The following SGCZ variants were observed in gnomAD, a reference collection of about 807,000 sequenced individuals.
The protein encoded by SGCZ is sarcoglycan zeta.
SGCZ carries 40 observed loss-of-function variants against 41.3 expected under a neutral mutation model. The ratio of observed to expected loss-of-function variants is 0.97; its 90% CI spans 0.75 to 1.26. The LOEUF is 1.26. SGCZ is among the 50% of genes most tolerant of loss of function. SGCZ has a pLI of 0.00. For missense variants in SGCZ, 552 were observed against 369.8 expected (o/e 1.49, Z -4.04); for synonymous variants, 206 against 137.5 (o/e 1.50, Z -3.49).
At chr8:15,127,257 AACAAACACACACACACACACAC>A (rs1563140077) in intron 1 of SGCZ, among the ~76,000 whole-genome samples, 1 of 29,580 alleles carries the variant, frequency 3.4e-5, no homozygotes, top group African/African-American at 4.5e-5. Flanking sequence ...CACACACACA[AACAAACACACACACACACACAC>A]ACACACACAT....
intron 1 of SGCZ, among the ~76,000 whole-genome samples, chr8:14,610,653 G>A (rs1273577423): frequency 6.6e-6 from 1 of 151,964 alleles, no homozygotes; most frequent in Non-Finnish European, 1.5e-5. Context: ...TCCCCTACAG[G>A]GTGCATAGAA....
intron 1 of SGCZ, among the ~76,000 whole-genome samples, chr8:14,690,948 T>A (rs186383341): frequency 3.5e-4 from 53 of 152,298 alleles, no homozygotes; most frequent in African/African-American, 1.3e-3. Context: ...GTATTTCAGA[T>A]TATAAAGTCA....
intron 1 of SGCZ, among the ~76,000 whole-genome samples, chr8:14,973,743 A>G (rs1002887550): frequency 6.6e-6 from 1 of 152,150 alleles, no homozygotes; most frequent in African/African-American, 2.4e-5. Flanking sequence ...GATAAAGGGT[A>G]TTTTTATCTG....
intron 4 of SGCZ, 149 bp downstream of exon 4, chr8:14,237,443 A>G (rs1279045682): frequency 3.0e-6 from 2 of 667,274 alleles, no homozygotes; most frequent in Non-Finnish European, 5.1e-6. Context: ...CAGCCTCCCA[A>G]AGTGCACTCC....
intron 1 of SGCZ, among the ~76,000 whole-genome samples, chr8:15,155,162 G>T (rs1285665901): frequency 6.6e-6 from 1 of 152,066 alleles, no homozygotes; most frequent in Non-Finnish European, 1.5e-5. Context: ...GAGTGTGGTG[G>T]TGCACGCCTA....
At chr8:14,127,490 G>A (rs1029336949) in intron 5 of SGCZ, among the ~76,000 whole-genome samples, 3 of 151,844 alleles carry the variant, frequency 2.0e-5, no homozygotes, top group Admixed American at 2.0e-4. Context: ...GAGTCTCACT[G>A]TGTCACCCAG....
At chr8:14,468,382 T>A (rs965984636) in intron 2 of SGCZ, among the ~76,000 whole-genome samples, 1 of 152,120 alleles carries the variant, frequency 6.6e-6, no homozygotes, top group Non-Finnish European at 1.5e-5. Context: ...AATATCAATT[T>A]ATTTTAAATA....
chr8:14,412,171 T>G (rs1799378139), intron 2 of SGCZ, among the ~76,000 whole-genome samples: 1 of 152,092 alleles, frequency 6.6e-6, no homozygotes, highest in Non-Finnish European at 1.5e-5. Context: ...TAAAGATAAC[T>G]ATGGGCTTTA....
At chr8:14,550,123 T>C (rs1040226757) in intron 2 of SGCZ, among the ~76,000 whole-genome samples, 10 of 152,020 alleles carry the variant, frequency 6.6e-5, no homozygotes, top group African/African-American at 1.7e-4. Context: ...TTGGTTGTGA[T>C]AGCAAATTAA....
intron 1 of SGCZ, among the ~76,000 whole-genome samples, chr8:15,032,875 C>T (rs1032711918): frequency 1.2e-4 from 18 of 152,132 alleles, no homozygotes; most frequent in African/African-American, 3.9e-4. Context: ...TACTCAGTTC[C>T]AAGCTGTCCC....
chr8:14,180,827 T>C (rs948646059), intron 4 of SGCZ, among the ~76,000 whole-genome samples: 2 of 151,904 alleles, frequency 1.3e-5, no homozygotes, highest in Non-Finnish European at 2.9e-5. Flanking sequence ...CAAGTGGCGA[T>C]GGCTATGTGA....
chr8:15,112,887 G>T (rs1426798613), intron 1 of SGCZ, among the ~76,000 whole-genome samples: 1 of 152,126 alleles, frequency 6.6e-6, no homozygotes, highest in Admixed American at 6.6e-5. Context: ...AACAATTGTT[G>T]CTGTTTGAAG....
At chr8:14,712,081 C>T (rs960685175) in intron 1 of SGCZ, among the ~76,000 whole-genome samples, 6 of 152,180 alleles carry the variant, frequency 3.9e-5, no homozygotes, top group African/African-American at 1.4e-4. Flanking sequence ...CCAGCCTGGC[C>T]AACATGGCGA....
At chr8:14,315,176 G>C (rs559247856) in intron 3 of SGCZ, among the ~76,000 whole-genome samples, 2 of 152,214 alleles carry the variant, frequency 1.3e-5, no homozygotes, top group East Asian at 1.9e-4. Flanking sequence ...TATTTCCTAA[G>C]TCTCCAGTGA....
rs1388752240 is a variant in SGCZ, at chr8:14,551,474, T to G, written c.234+3258A>C. Among the ~76,000 whole-genome samples the G allele has an allele frequency of 2.2e-3, 8 of 3,630 alleles. 1 individual carries two copies. The highest frequency in any genetic ancestry group is 2.9e-3 in the Non-Finnish European group (5 of 1,724). 2.4% of individuals were successfully genotyped at this position (3,630 alleles called of 152,430 possible). A position where few individuals can be genotyped will look rare whatever the true frequency, so the allele number is the denominator to read the frequency against. On this transcript the variant is annotated intron_variant, in intron 2 of 7. Coordinates refer to ENST00000382080, the MANE Select transcript of SGCZ (RefSeq NM_139167.4). ...TATATATTATATATATTATATATAT[T>G]ATATATTATATATATTATATATATT... is the stretch of plus-strand genomic sequence containing the variant.
intron 4 of SGCZ, among the ~76,000 whole-genome samples, chr8:14,185,186 G>C (rs539613719): frequency 6.6e-6 from 1 of 152,068 alleles, no homozygotes; most frequent in Admixed American, 6.6e-5. Flanking sequence ...TGGATCACGA[G>C]GTCAGGAGAT....
At chr8:14,311,196 T>C (rs1442106501) in intron 3 of SGCZ, among the ~76,000 whole-genome samples, 1 of 152,172 alleles carries the variant, frequency 6.6e-6, no homozygotes, top group African/African-American at 2.4e-5. Context: ...TAATTTAGTG[T>C]AGAGGACCTG....
chr8:15,115,609 T>C (rs1330468891), intron 1 of SGCZ, among the ~76,000 whole-genome samples: 1 of 152,198 alleles, frequency 6.6e-6, no homozygotes, highest in Non-Finnish European at 1.5e-5. Context: ...ATCGGGGTTC[T>C]TAGAGAGATA....
At chr8:14,804,249 G>A (rs1302032788) in intron 1 of SGCZ, among the ~76,000 whole-genome samples, 1 of 98,388 alleles carries the variant, frequency 1.0e-5, no homozygotes, top group East Asian at 4.2e-4. Context: ...GACGAGCTGA[G>A]AGAAGAAGGC....
Sources: allele counts gnomAD v4.1 joint callset (sites outside exome capture counted in the v4.1 genomes callset), GRCh38; gene constraint gnomAD v4.1.1; transcripts MANE v1.5; gene names NCBI Gene and HGNC (gene_info 2026-07-23, HGNC 2026-07-21).